The following CFAP299 variants were observed in gnomAD, a reference collection of about 807,000 sequenced individuals.
The protein encoded by CFAP299 is cilia and flagella associated protein 299.
In CFAP299, 21 loss-of-function variants were observed where a neutral mutation model predicts 27.0. The observed-to-expected ratio is 0.78, with a 90% CI of 0.55 to 1.12. CFAP299 has a LOEUF of 1.12. Among genes scored for constraint, CFAP299 ranks in the 50% most tolerant of loss-of-function variants. The pLI, the probability that CFAP299 is intolerant of heterozygous loss-of-function variation, is 0.00. For synonymous variants in CFAP299, 104 were observed against 98.1 expected (o/e 1.06, Z -0.36); for missense variants, 310 against 276.6 (o/e 1.12, Z -0.86).
Position 80,558,164 on chromosome 4 carries a change from C to T in CFAP299, c.243-24929C>T, listed in dbSNP as rs550965169. On this transcript the variant is annotated intron_variant, in intron 2 of 5. Transcript: ENST00000358105. ...CTTTTCTGAACGTTAAAACTTTGAA[C>T]CCATGTCACAGTTTCTCTCTGTTTC... 6.6e-5 allele frequency among the ~76,000 whole-genome samples: 10 copies of T among 152,122 alleles called. No homozygotes were observed. In the South Asian group the frequency reaches 1.4e-3, roughly 22 times the overall value.
intron 3 of CFAP299, among the ~76,000 whole-genome samples, chr4:80,609,629 G>A (rs552650813): frequency 7.2e-5 from 11 of 151,890 alleles, no homozygotes; most frequent in African/African-American, 2.2e-4. Flanking sequence ...AAGTAATAAT[G>A]GAACATATGA....
chr4:80,574,466 G>A (rs1735747629), intron 2 of CFAP299, among the ~76,000 whole-genome samples: 1 of 151,948 alleles, frequency 6.6e-6, no homozygotes, highest in African/African-American at 2.4e-5. Flanking sequence ...TTTCTTTTCT[G>A]ATTGCTCTAG....
chr4:80,781,080 T>G (rs1726849284), intron 3 of CFAP299, among the ~76,000 whole-genome samples: 1 of 152,006 alleles, frequency 6.6e-6, no homozygotes, highest in Non-Finnish European at 1.5e-5. Flanking sequence ...CAAGAGACCC[T>G]AGTATATTAG....
At chr4:80,568,842 G>A (rs1735442341) in intron 2 of CFAP299, among the ~76,000 whole-genome samples, 1 of 152,116 alleles carries the variant, frequency 6.6e-6, no homozygotes, top group Non-Finnish European at 1.5e-5. Flanking sequence ...AGGGAACTGT[G>A]CAATGGCTGT....
At chr4:80,439,304 C>T (rs539066312) in intron 2 of CFAP299, among the ~76,000 whole-genome samples, 2 of 152,240 alleles carry the variant, frequency 1.3e-5, no homozygotes, top group East Asian at 1.9e-4. Context: ...CCAGGGAGAC[C>T]AACGCAGAAG....
the CFAP299 span, among the ~76,000 whole-genome samples, chr4:80,329,208 C>CACACACATATATATATATATATATATAT: frequency 1.9e-4 from 26 of 136,042 alleles, no homozygotes; most frequent in Non-Finnish European, 3.5e-4. Context: ...ACACTGTATA[C>CACACACATATATATATATATATATATAT]ATATATATAT....
intron 3 of CFAP299, among the ~76,000 whole-genome samples, chr4:80,636,587 C>T (rs1739473872): frequency 6.6e-6 from 1 of 152,096 alleles, no homozygotes; most frequent in Non-Finnish European, 1.5e-5. Flanking sequence ...TAAGACATGC[C>T]TAAAGTGACA....
chr4:80,823,414 C>G (rs1273731356), intron 3 of CFAP299, among the ~76,000 whole-genome samples: 3 of 152,084 alleles, frequency 2.0e-5, no homozygotes, highest in African/African-American at 4.8e-5. Context: ...ACCCAGAGAC[C>G]TCCTTTTATT....
chr4:80,427,435 A>G (rs967571964), intron 2 of CFAP299, among the ~76,000 whole-genome samples: 7 of 152,182 alleles, frequency 4.6e-5, no homozygotes, highest in Admixed American at 1.3e-4. Context: ...CTTACCTTTT[A>G]AAAGTAGTAA....
At chr4:80,644,930 T>G (rs1205114930) in intron 3 of CFAP299, among the ~76,000 whole-genome samples, 1 of 152,168 alleles carries the variant, frequency 6.6e-6, no homozygotes, top group African/African-American at 2.4e-5. Flanking sequence ...CTCTTACTTA[T>G]CTTTCAGCAG....
At chr4:80,932,576 A>T (rs1397674322) in intron 4 of CFAP299, among the ~76,000 whole-genome samples, 1 of 152,182 alleles carries the variant, frequency 6.6e-6, no homozygotes, top group Non-Finnish European at 1.5e-5. Context: ...TGTACCATAA[A>T]TGCAATTCCA....
intron 2 of CFAP299, among the ~76,000 whole-genome samples, chr4:80,436,776 C>G (rs2110083008): frequency 6.6e-6 from 1 of 152,256 alleles, no homozygotes; most frequent in South Asian, 2.1e-4. Context: ...TAATTTTGTG[C>G]AGCAGAGCTG....
At chr4:80,424,335 A>G (rs1179293745) in intron 2 of CFAP299, among the ~76,000 whole-genome samples, 1 of 152,178 alleles carries the variant, frequency 6.6e-6, no homozygotes, top group African/African-American at 2.4e-5. Context: ...GTTCAAGAAG[A>G]GGCAGGATAA....
intron 2 of CFAP299, among the ~76,000 whole-genome samples, chr4:80,481,680 TG>T (rs2110128066): frequency 6.6e-6 from 1 of 152,186 alleles, no homozygotes; most frequent in South Asian, 2.1e-4. Context: ...GGGCTAAAAT[TG>T]ACTAGTTTAA....
At chr4:80,711,814 A>C (rs1722190933) in intron 3 of CFAP299, among the ~76,000 whole-genome samples, 1 of 152,212 alleles carries the variant, frequency 6.6e-6, no homozygotes, top group Non-Finnish European at 1.5e-5. Flanking sequence ...TCATCAAATG[A>C]GGCAACTTCA....
At chr4:80,696,694 A>G (rs1721116466) in intron 3 of CFAP299, among the ~76,000 whole-genome samples, 1 of 152,178 alleles carries the variant, frequency 6.6e-6, no homozygotes, top group African/African-American at 2.4e-5. Flanking sequence ...GCAACATTCA[A>G]AGGATGATTA....
At chr4:80,728,965 C>G (rs2110053205) in intron 3 of CFAP299, among the ~76,000 whole-genome samples, 1 of 152,304 alleles carries the variant, frequency 6.6e-6, no homozygotes, top group South Asian at 2.1e-4. Flanking sequence ...TCCCCACAAC[C>G]TGCAAACAAC....
intron 2 of CFAP299, among the ~76,000 whole-genome samples, chr4:80,545,069 C>G (rs1313561255): frequency 1.3e-5 from 2 of 152,060 alleles, no homozygotes; most frequent in Non-Finnish European, 2.9e-5. Context: ...TCTACCAAAA[C>G]TGTACAATAA....
intron 4 of CFAP299, among the ~76,000 whole-genome samples, chr4:80,940,891 C>T (rs974536241): frequency 6.6e-6 from 1 of 152,062 alleles, no homozygotes; most frequent in Non-Finnish European, 1.5e-5. Flanking sequence ...AATATAAGCA[C>T]ACAGATAGGT....
Sources: allele counts gnomAD v4.1 joint callset (sites outside exome capture counted in the v4.1 genomes callset), GRCh38; gene constraint gnomAD v4.1.1; transcripts MANE v1.5; gene names NCBI Gene and HGNC (gene_info 2026-07-23, HGNC 2026-07-21).